The following DNAH11 variants were observed in gnomAD, a reference collection of about 807,000 sequenced individuals.
DNAH11 encodes dynein axonemal heavy chain 11, also known as axonemal beta dynein heavy chain 11.
Under a neutral mutation model 526.0 loss-of-function variants are expected in DNAH11, and 442 were observed. The ratio of observed to expected loss-of-function variants is 0.84; its 90% CI spans 0.78 to 0.91. The LOEUF is 0.91. Ranked by LOEUF, DNAH11 falls within the 40% of genes least tolerant of loss-of-function variation. The pLI is 0.00. For synonymous variants in DNAH11, 2,461 were observed against 1,935.9 expected (o/e 1.27, Z -7.12); for missense variants, 6,989 against 5,448.7 (o/e 1.28, Z -8.90).
At chr7:21,649,076 C>G (rs1283630605) in intron 28 of DNAH11, among the ~76,000 whole-genome samples, 1 of 152,154 alleles carries the variant, frequency 6.6e-6, no homozygotes, top group East Asian at 1.9e-4. Context: ...TCAAAAAACA[C>G]ATATACTTGC....
intron 61 of DNAH11, among the ~76,000 whole-genome samples, chr7:21,795,160 T>C (rs568207301): frequency 6.6e-5 from 10 of 152,298 alleles, no homozygotes; most frequent in South Asian, 4.2e-4. Flanking sequence ...GATTCTTAGG[T>C]AAAGGTTAAT....
chr7:21,583,541 A>C (rs1198360487), intron 9 of DNAH11, among the ~76,000 whole-genome samples: 1 of 152,258 alleles, frequency 6.6e-6, no homozygotes, highest in Non-Finnish European at 1.5e-5. Context: ...TTCATGACTA[A>C]AACACCAAAA....
At position 21,880,748 on chromosome 7, in the gene DNAH11, T is replaced by C; in HGVS notation, c.12242T>C (p.Leu4081Pro). 1 of 1,613,958 alleles carries C rather than the reference T, an allele frequency of 6.2e-7. No individual in the cohort carries two copies. The highest frequency in any genetic ancestry group is 8.5e-7 in the Non-Finnish European group (1 of 1,179,880). ...AAGGAGCAGGAGTTTAAAAGCATCC[T>C]TTTTTCTCTCTGCTACTTCCACGCC... Reference protein sequence around the residue: ...CSKEQEFKSILFSLCYFHACV... With the variant: ...CSKEQEFKSIPFSLCYFHACV... The change falls in exon 75 of 82, where the codon CTT becomes CCT. Residue 4081 changes from leucine to proline, a missense_variant. Transcript: ENST00000409508.
chr7:21,682,058 T>G (rs1036077280), intron 31 of DNAH11, among the ~76,000 whole-genome samples: 12 of 152,200 alleles, frequency 7.9e-5, no homozygotes, highest in Non-Finnish European at 1.3e-4. Context: ...GTATGTGATT[T>G]AAACCATGTC....
chr7:21,656,884 G>A (rs529784946), intron 29 of DNAH11, among the ~76,000 whole-genome samples: 23 of 152,178 alleles, frequency 1.5e-4, no homozygotes, highest in Non-Finnish European at 3.2e-4. Flanking sequence ...TGATCTCTTG[G>A]GCTTTTTAGG....
intron 56 of DNAH11, among the ~76,000 whole-genome samples, 170 bp from the exon 57 acceptor site, chr7:21,778,788 A>G (rs905882962): frequency 6.6e-6 from 1 of 152,240 alleles, no homozygotes; most frequent in African/African-American, 2.4e-5. Flanking sequence ...CATGTGGAGA[A>G]AAACAATGTG....
chr7:21,884,428 T>A lies in DNAH11; in HGVS notation c.12507+18T>A. On this transcript the variant is annotated intron_variant, in intron 76 of 81. Transcript: ENST00000409508. ...CATCTCTGGTAAGACATTTGTAAAT[T>A]AATTTGTAAATAAATTTCACTGAGC... 1.3e-6 allele frequency: 2 copies of A among 1,586,074 alleles called. No individual in the cohort carries two copies. Among genetic ancestry groups the A allele is most frequent in the Non-Finnish European group, 1.7e-6 (2 of 1,168,926 alleles).
intron 61 of DNAH11, among the ~76,000 whole-genome samples, chr7:21,797,138 T>C (rs939148593): frequency 6.6e-6 from 1 of 151,866 alleles, no homozygotes; most frequent in Non-Finnish European, 1.5e-5. Flanking sequence ...ATATTAAGAG[T>C]CCCTCAGAAA....
chr7:21,635,579 A>G (rs774631590), intron 25 of DNAH11, among the ~76,000 whole-genome samples: 4 of 152,024 alleles, frequency 2.6e-5, no homozygotes, highest in Non-Finnish European at 4.4e-5. Context: ...AATACACAGT[A>G]TTTTTTTTCT....
chr7:21,851,102 C>CTTT (rs1380934349), intron 66 of DNAH11: 1 of 154,796 alleles, frequency 6.5e-6, no homozygotes, highest in African/African-American at 2.4e-5. Context: ...CAAATCTCAT[C>CTTT]TTGAATTGTA....
Position 21,816,607 on chromosome 7 carries a change from C to T in DNAH11, c.10473C>T (p.Arg3491=). The change falls in exon 64 of 82, where the codon CGC becomes CGT. Residue 3491 remains arginine, a synonymous_variant. Transcript: ENST00000409508. ...ENAAILTHCE[R]WPLVIDPQQQ... ...CCGCTATCCTAACACACTGTGAGCG[C>T]TGGCCTCTGGTGATAGATCCCCAGC... is the stretch of plus-strand genomic sequence containing the variant. The T allele has an allele frequency of 6.2e-7, 1 of 1,613,720 alleles. No homozygotes were observed. The highest frequency in any genetic ancestry group is 8.5e-7 in the Non-Finnish European group (1 of 1,179,802).
At chr7:21,673,319 C>T (rs1286920980) in intron 30 of DNAH11, among the ~76,000 whole-genome samples, 1 of 152,134 alleles carries the variant, frequency 6.6e-6, no homozygotes, top group Non-Finnish European at 1.5e-5. Flanking sequence ...ATCTTATATT[C>T]TCATATGTAA....
chr7:21,588,414 A>G (rs1784548955), intron 10 of DNAH11, 98 bp from the exon 11 acceptor site: 1 of 1,462,660 alleles, frequency 6.8e-7, no homozygotes, highest in Non-Finnish European at 9.4e-7. Context: ...GTTTTATACT[A>G]CTGTAAAAAT....
At chr7:21,839,602 T>C (rs907014716) in intron 65 of DNAH11, among the ~76,000 whole-genome samples, 1 of 150,172 alleles carries the variant, frequency 6.7e-6, no homozygotes, top group African/African-American at 2.4e-5. Flanking sequence ...ACGTATGTAA[T>C]GCACAGGTAT....
intron 55 of DNAH11, among the ~76,000 whole-genome samples, chr7:21,771,497 C>G (rs1266344699): frequency 1.3e-5 from 2 of 152,068 alleles, no homozygotes; most frequent in Admixed American, 6.6e-5. Context: ...TGACAGTGAG[C>G]CAACTGAGAG....
chr7:21,553,070 ATTTTTTTTTTTTT>A (rs35121910), intron 2 of DNAH11, among the ~76,000 whole-genome samples: 2 of 66,784 alleles, frequency 3.0e-5, no homozygotes, highest in Middle Eastern at 0.012. Flanking sequence ...TATAAATGGG[ATTTTTTTTTTTTT>A]TTTTTTTTTT....
intron 25 of DNAH11, among the ~76,000 whole-genome samples, chr7:21,626,339 C>G (rs577520735): frequency 6.6e-6 from 1 of 152,102 alleles, no homozygotes; most frequent in South Asian, 2.1e-4. Flanking sequence ...TATGTATATG[C>G]CATTCTTAAA....
chr7:21,741,737 C>T (rs1248810341), intron 48 of DNAH11, among the ~76,000 whole-genome samples, 190 bp from the exon 49 acceptor site: 1 of 152,168 alleles, frequency 6.6e-6, no homozygotes, highest in African/African-American at 2.4e-5. Flanking sequence ...CAACGAGTGG[C>T]ACACTGTCAC....
In DNAH11 at chr7:21,787,479, C is replaced by T; in HGVS notation, c.9820C>T (p.His3274Tyr). ...GAACTGTCTAAAAGTGGTGAATGAA[C>T]ACTATTTGAAAGACCCAGAGTTTAA... ...PENCLKVVNE[H>Y]YLKDPEFNPN... The change falls in exon 60 of 82, where the codon CAC (histidine) becomes TAC (tyrosine). Residue 3274 changes from histidine (H) to tyrosine (Y), a missense_variant. By Grantham distance (83) the His-to-Tyr change is moderately conservative. Transcript: ENST00000409508. 5 of 1,613,754 alleles carry T rather than the reference C, an allele frequency of 3.1e-6. No individual in the cohort carries two copies. The highest frequency in any genetic ancestry group is 4.2e-6 in the Non-Finnish European group (5 of 1,179,758).
Sources: gnomAD v4.1 joint callset for allele counts (sites outside exome capture counted in the v4.1 genomes callset) on GRCh38, gnomAD v4.1.1 for gene constraint, MANE v1.5 for transcripts, NCBI Gene and HGNC (gene_info 2026-07-23, HGNC 2026-07-21) for gene names.